DPPA4: variants seen among roughly 807,000 people sequenced by gnomAD.
The protein encoded by DPPA4 is developmental pluripotency-associated protein 4.
Under a neutral mutation model 33.7 loss-of-function variants are expected in DPPA4, and 22 were observed. That is an observed-to-expected ratio of 0.65 (90% CI 0.47 to 0.93). The LOEUF is 0.93. DPPA4 is among the 40% of genes least tolerant of loss of function. The pLI is 0.00. For synonymous variants in DPPA4, 156 were observed against 132.3 expected, an observed-to-expected ratio of 1.18 and a Z score of -1.23; for missense variants, 340 against 358.6, an observed-to-expected ratio of 0.95 and a Z score of 0.42.
At position 109,331,912 on chromosome 3, in the gene DPPA4, G is replaced by A; in HGVS notation, c.298C>T (p.Arg100Trp). The change falls in exon 3 of 7, where the codon CGG becomes TGG. Residue 100 changes from arginine to tryptophan, a missense_variant. Around this residue, in one of 3 missense-constraint regions of DPPA4, gnomAD observed 32 missense variants for 60.3 expected, o/e 0.53. Coordinates refer to ENST00000335658, the MANE Select transcript of DPPA4 (RefSeq NM_018189.4). ...PVNLIHRDIL[R>W]AWCQQLKLSS... is the part of the protein sequence containing the mutation. ...AGCTTCAATTGTTGGCACCAGGCCC[G>A]CAGAATGTCCCGGTGAATCAGATTA... is the stretch of plus-strand genomic sequence containing the variant. The A allele has an allele frequency of 1.9e-6, 3 of 1,614,106 alleles. No homozygotes were observed. Among genetic ancestry groups the A allele is most frequent in the East Asian group, 2.2e-5 (1 of 44,868 alleles).
rs767191551 is a variant in DPPA4, at chr3:109,331,923, C to G, written c.287G>C (p.Arg96Pro). Residue 96 changes from arginine (R) to proline (P), a missense_variant, in exon 3 of 7, where the codon CGG becomes CCG. Arg to Pro is a moderately radical substitution (Grantham distance 103). This residue lies in a region of DPPA4 where 32 missense variants were observed against 60.3 expected (regional missense o/e 0.53). Coordinates refer to ENST00000335658, the MANE Select transcript of DPPA4 (RefSeq NM_018189.4). ...TTGGCACCAGGCCCGCAGAATGTCC[C>G]GGTGAATCAGATTAACAGGTGGCAG... is the stretch of plus-strand genomic sequence containing the variant. ...SKLPPVNLIH[R>P]DILRAWCQQL... The G allele has an allele frequency of 6.2e-7, 1 of 1,614,090 alleles. No homozygotes were observed. Among genetic ancestry groups the G allele is most frequent in the Non-Finnish European group, 8.5e-7 (1 of 1,180,020 alleles).
intron 1 of DPPA4, among the ~76,000 whole-genome samples, chr3:109,334,532 CAAA>C: frequency 1.4e-5 from 2 of 138,440 alleles, no homozygotes; most frequent in South Asian, 4.7e-4. Context: ...GAGACTGTCT[CAAA>C]AAAAAAAAAG....
intron 5 of DPPA4, chr3:109,330,267 A>C: frequency 2.5e-6 from 1 of 399,426 alleles, no homozygotes; most frequent in Non-Finnish European, 4.6e-6. Flanking sequence ...GCGCCACTGC[A>C]CTCTAGCCTG....
rs1708085339 is a variant in DPPA4, at chr3:109,331,759, C to T, written c.365G>A (p.Cys122Tyr). 1 of 1,614,048 alleles carries T rather than the reference C, an allele frequency of 6.2e-7. No individual in the cohort carries two copies. Among genetic ancestry groups the T allele is most frequent in the Non-Finnish European group, 8.5e-7 (1 of 1,180,026 alleles). The change falls in exon 4 of 7, where the codon TGT becomes TAT. Residue 122 changes from cysteine (C) to tyrosine (Y), a missense_variant. By Grantham distance (194) the Cys-to-Tyr change is radical. Transcript: ENST00000335658. Reference sequence around the variant, plus strand: ...CTTTTGATTTGGGTAGGCAAAGGCACACAGGCGCTTATATGCATCCAATTT... The same window carrying T: ...CTTTTGATTTGGGTAGGCAAAGGCATACAGGCGCTTATATGCATCCAATTT... ...GQKLDAYKRL[C>Y]AFAYPNQKDF...
In DPPA4 at chr3:109,335,449, A is replaced by C. The variant is rs1234682476; in HGVS notation, c.55-1456T>G. Among the ~76,000 whole-genome samples the C allele has an allele frequency of 5.3e-5, 8 of 151,976 alleles. 1 individual carries two copies. The highest frequency in any genetic ancestry group is 1.3e-4 in the Admixed American group (2 of 15,256). On this transcript the variant is annotated intron_variant, in intron 1 of 6. Coordinates refer to ENST00000335658, the MANE Select transcript of DPPA4 (RefSeq NM_018189.4). ...GGGTTCCCTATTTTCTTTTTCTCTGAGAGGAGTCTCGCTCTGTCACCCCGG... is the reference window on the plus strand; with the variant it reads ...GGGTTCCCTATTTTCTTTTTCTCTGCGAGGAGTCTCGCTCTGTCACCCCGG...
intron 6 of DPPA4, among the ~76,000 whole-genome samples, chr3:109,328,294 G>A (rs1359662842): frequency 2.6e-5 from 4 of 152,108 alleles, no homozygotes; most frequent in South Asian, 2.1e-4. Flanking sequence ...TGTCATTAAA[G>A]GACTACCCAA....
intron 1 of DPPA4, among the ~76,000 whole-genome samples, chr3:109,335,259 C>G (rs1708167524): frequency 6.6e-6 from 1 of 152,150 alleles, no homozygotes; most frequent in Non-Finnish European, 1.5e-5. Flanking sequence ...TTCAAGTGAT[C>G]TTTTGCCTCA....
At position 109,329,069 on chromosome 3, in the gene DPPA4, G is replaced by C; in HGVS notation, c.699C>G (p.Val233=). The change falls in exon 6 of 7, where the codon GTC becomes GTG. Residue 233 remains valine (V), a synonymous_variant. Transcript: ENST00000335658. The part of the protein sequence containing the change: ...QEASGVRWCV[V]HGKSLPADTD... ...TGTCTGCAGGGAGACTTTTCCCATG[G>C]ACCACACACCACCTGACACCTGGCA... 1.2e-6 allele frequency: 2 copies of C among 1,613,950 alleles called. No homozygotes were observed. Among genetic ancestry groups the C allele is most frequent in the South Asian group, 1.1e-5 (1 of 91,066 alleles).
In DPPA4 at chr3:109,330,650, G is replaced by A; in HGVS notation, c.553C>T (p.Leu185Phe). 1 of 1,614,180 alleles carries A rather than the reference G, an allele frequency of 6.2e-7. No homozygotes were observed. The highest frequency in any genetic ancestry group is 8.5e-7 in the Non-Finnish European group (1 of 1,180,040). ...ACAACTGTATTAACTCCCTCAAGGA[G>A]AGCAGTGGAATTTTCCAGGGCAGGC... ...EPPALENSTALLEGVNTVVVT... is the reference protein window; with the variant it reads ...EPPALENSTAFLEGVNTVVVT... The change falls in exon 5 of 7, where the codon CTC becomes TTC. Residue 185 changes from leucine to phenylalanine, a missense_variant. Transcript: ENST00000335658.
intron 6 of DPPA4, 131 bp from the exon 7 acceptor site, chr3:109,328,155 C>T (rs529430186): frequency 1.5e-6 from 1 of 647,000 alleles, no homozygotes; most frequent in Non-Finnish European, 2.7e-6. Flanking sequence ...AGCCTGTGAT[C>T]CTGTCATTCA....
At chr3:109,331,260 C>CAAAAAAAAAAAAAA (rs10593582) in intron 4 of DPPA4, among the ~76,000 whole-genome samples, 7 of 58,394 alleles carry the variant, frequency 1.2e-4, no homozygotes, top group African/African-American at 1.5e-4. Flanking sequence ...GACTCTGTCT[C>CAAAAAAAAAAAAAA]AAAAAAAAAA....
At chr3:109,332,644 T>C (rs1576837741) in intron 2 of DPPA4, among the ~76,000 whole-genome samples, 1 of 152,112 alleles carries the variant, frequency 6.6e-6, no homozygotes, top group Admixed American at 6.5e-5. Flanking sequence ...AATCAACACC[T>C]GACAATGCTA....
At chr3:109,336,172 A>T (rs1405797575) in intron 1 of DPPA4, 3 of 151,970 alleles carry the variant, frequency 2.0e-5, no homozygotes, top group African/African-American at 7.2e-5. Context: ...TAATATAATA[A>T]AATTTCTCCT....
chr3:109,328,644 T>C (rs367944206), intron 6 of DPPA4, among the ~76,000 whole-genome samples: 4 of 152,108 alleles, frequency 2.6e-5, no homozygotes, highest in South Asian at 4.1e-4. Flanking sequence ...ACTTTGAATA[T>C]AGTAATTATA....
upstream of DPPA4, among the ~76,000 whole-genome samples, chr3:109,338,293 A>C (rs1708251992): frequency 6.6e-6 from 1 of 152,336 alleles, no homozygotes; most frequent in East Asian, 1.9e-4. Flanking sequence ...CCCATTTTAT[A>C]TATGACTAAA....
Position 109,330,773 on chromosome 3 carries a change from A to C in DPPA4, c.430T>G (p.Ser144Ala). 1 of 1,613,374 alleles carries C rather than the reference A, an allele frequency of 6.2e-7. No individual in the cohort carries two copies. Among genetic ancestry groups the C allele is most frequent in the Non-Finnish European group, 8.5e-7 (1 of 1,179,782 alleles). Reference sequence around the variant, plus strand: ...TCCACCTTTAATTTTTTTTGCAATGATTTCCGGATTTTGGCCTCTTTTGCT... The same window carrying C: ...TCCACCTTTAATTTTTTTTGCAATGCTTTCCGGATTTTGGCCTCTTTTGCT... Reference protein sequence around the residue: ...STAKEAKIRKSLQKKLKVEKG... With the variant: ...STAKEAKIRKALQKKLKVEKG... The change falls in exon 5 of 7, where the codon TCA becomes GCA. Residue 144 changes from serine to alanine, a missense_variant. By Grantham distance (99) the Ser-to-Ala change is moderately conservative. Coordinates refer to ENST00000335658, the MANE Select transcript of DPPA4 (RefSeq NM_018189.4).
intron 4 of DPPA4, 131 bp downstream of exon 4, chr3:109,331,603 G>T: frequency 3.1e-6 from 2 of 650,194 alleles, no homozygotes; most frequent in Non-Finnish European, 2.6e-6. Flanking sequence ...AGTAGAGATG[G>T]GAAATATTGT....
At position 109,330,759 on chromosome 3, in the gene DPPA4, T is replaced by C. The variant is rs554506484; in HGVS notation, c.444A>G (p.Lys148=). The part of the protein sequence containing the change: ...EAKIRKSLQK[K]LKVEKGETSL... ...ACGTTTCCCCCTTTTCCACCTTTAA[T>C]TTTTTTTGCAATGATTTCCGGATTT... The change falls in exon 5 of 7, where the codon AAA becomes AAG. Residue 148 remains lysine (K), a synonymous_variant. Transcript: ENST00000335658. 1 of 1,610,998 alleles carries C rather than the reference T, an allele frequency of 6.2e-7. No homozygotes were observed. The highest frequency in any genetic ancestry group is 2.2e-5 in the East Asian group (1 of 44,814).
At chr3:109,328,856 A>G in intron 6 of DPPA4, 34 bp downstream of exon 6, 1 of 1,576,426 alleles carries the variant, frequency 6.3e-7, no homozygotes, top group Non-Finnish European at 8.7e-7. Flanking sequence ...TCCGGCACCC[A>G]CTTTTAGTTT....
Sources: gnomAD v4.1 joint callset for allele counts (sites outside exome capture counted in the v4.1 genomes callset) on GRCh38, gnomAD v4.1.1 for gene constraint, gnomAD v4.1.1 regional missense constraint, MANE v1.5 for transcripts, NCBI Gene and HGNC (gene_info 2026-07-23, HGNC 2026-07-21) for gene names.